DAPP1: variants seen among roughly 807,000 people sequenced by gnomAD.
The protein encoded by DAPP1 is dual adaptor of phosphotyrosine and 3-phosphoinositides 1, also known as dual adapter for phosphotyrosine and 3-phosphotyrosine and 3-phosphoinositide.
In DAPP1, 20 loss-of-function variants were observed where a neutral mutation model predicts 41.5. The observed-to-expected ratio is 0.48, with a 90% CI of 0.34 to 0.70. The LOEUF is 0.70. Ranked by LOEUF, DAPP1 falls within the 30% of genes least tolerant of loss-of-function variation. The probability of loss-of-function intolerance (pLI) is 0.01; values close to 1 mark genes in which losing one functional copy is unlikely to be tolerated. For synonymous variants in DAPP1, 113 were observed against 116.2 expected, an observed-to-expected ratio of 0.97 and a Z score of 0.18; for missense variants, 233 against 333.4, an observed-to-expected ratio of 0.70 and a Z score of 2.35.
intron 2 of DAPP1, among the ~76,000 whole-genome samples, chr4:99,838,169 T>C (rs1276929895): frequency 6.6e-6 from 1 of 152,180 alleles, no homozygotes; most frequent in Non-Finnish European, 1.5e-5. Flanking sequence ...TTCACCTATG[T>C]ATGTCTCATC....
At chr4:99,837,778 TAATGA>T (rs1382816061) in intron 2 of DAPP1, among the ~76,000 whole-genome samples, 1 of 152,164 alleles carries the variant, frequency 6.6e-6, no homozygotes, top group Non-Finnish European at 1.5e-5. Flanking sequence ...CTGTAATGTA[TAATGA>T]AATAATTATA....
Position 99,840,282 on chromosome 4 carries a change from C to A in DAPP1, c.225-7C>A. The A allele has an allele frequency of 6.7e-7, 1 of 1,501,136 alleles. No homozygotes were observed. Among genetic ancestry groups the A allele is most frequent in the South Asian group, 1.3e-5 (1 of 77,214 alleles). 93.0% of individuals were successfully genotyped at this position (1,501,136 alleles called of 1,614,324 possible). The stretch of plus-strand genomic sequence containing the variant: ...AATAATATTAAATACTTCTTTTTCC[C>A]TTTTAGGGCCAAAGATTCTGTTAAA... On this transcript the variant is annotated splice_polypyrimidine_tract_variant and splice_region_variant and intron_variant, in intron 2 of 8. Transcript: ENST00000512369.
At chr4:99,837,924 T>C (rs1723356103) in intron 2 of DAPP1, among the ~76,000 whole-genome samples, 1 of 152,134 alleles carries the variant, frequency 6.6e-6, no homozygotes, top group African/African-American at 2.4e-5. Flanking sequence ...GCACACAGCC[T>C]AGATCCCTTG....
At chr4:99,862,969 T>C (rs755316947) in intron 5 of DAPP1, 41 bp from the exon 6 acceptor site, 4 of 1,449,746 alleles carry the variant, frequency 2.8e-6, no homozygotes, top group African/African-American at 2.9e-5. Flanking sequence ...ATTCAAAACT[T>C]TGTGTGTCTG....
At chr4:99,837,123 G>A (rs1001432188) in intron 2 of DAPP1, among the ~76,000 whole-genome samples, 2 of 152,180 alleles carry the variant, frequency 1.3e-5, no homozygotes, top group African/African-American at 2.4e-5. Flanking sequence ...TTTTTCTTCT[G>A]TGAGCAGCCA....
At chr4:99,827,316 C>T (rs1332950033) in intron 1 of DAPP1, among the ~76,000 whole-genome samples, 3 of 151,912 alleles carry the variant, frequency 2.0e-5, no homozygotes, top group Non-Finnish European at 2.9e-5. Context: ...GGGCGGATCA[C>T]GAGGTCAGGA....
intron 3 of DAPP1, among the ~76,000 whole-genome samples, chr4:99,841,978 G>A (rs116593427): frequency 0.011 from 1,668 of 152,152 alleles, 39 homozygotes; most frequent in African/African-American, 0.037. Flanking sequence ...TCCTTCCTGG[G>A]CCTTCTCCAA....
intron 1 of DAPP1, among the ~76,000 whole-genome samples, chr4:99,833,570 T>G (rs1010204430): frequency 2.0e-5 from 3 of 152,204 alleles, no homozygotes; most frequent in Admixed American, 6.5e-5. Flanking sequence ...GATCCCTTAA[T>G]GCCAGAATAG....
intron 1 of DAPP1, among the ~76,000 whole-genome samples, chr4:99,831,117 T>G (rs554644035): frequency 6.6e-6 from 1 of 152,366 alleles, no homozygotes; most frequent in South Asian, 2.1e-4. Flanking sequence ...TGTTTTTATA[T>G]ATCTTAATAT....
chr4:99,861,752 A>G, intron 5 of DAPP1, 127 bp downstream of exon 5: 1 of 1,100,058 alleles, frequency 9.1e-7, no homozygotes, highest in Admixed American at 2.3e-5. Flanking sequence ...CATTTGTAAT[A>G]TTCACCTGAC....
At chr4:99,852,163 C>G (rs1056949124) in intron 3 of DAPP1, among the ~76,000 whole-genome samples, 8 of 152,136 alleles carry the variant, frequency 5.3e-5, no homozygotes, top group African/African-American at 1.9e-4. Flanking sequence ...AGCATTTAAA[C>G]TCCTTTGTGT....
chr4:99,820,206 G>A (rs755605802), intron 1 of DAPP1, among the ~76,000 whole-genome samples: 13 of 152,142 alleles, frequency 8.5e-5, no homozygotes, highest in Non-Finnish European at 1.5e-4. Context: ...GACCATGAAC[G>A]AGGAGATGGG....
chr4:99,856,794 G>A (rs1724058582), intron 4 of DAPP1, among the ~76,000 whole-genome samples: 2 of 152,160 alleles, frequency 1.3e-5, no homozygotes, highest in African/African-American at 2.4e-5. Context: ...CAGGATATCA[G>A]TATTTATGCT....
At chr4:99,853,475 A>G (rs1032703233) in intron 4 of DAPP1, 127 bp downstream of exon 4, 14 of 1,317,542 alleles carry the variant, frequency 1.1e-5, no homozygotes, top group Non-Finnish European at 1.1e-5. Flanking sequence ...TTGGAAAGGA[A>G]TGTGAGATTT....
downstream of DAPP1, among the ~76,000 whole-genome samples, chr4:99,872,141 A>G (rs1440068556): frequency 4.6e-5 from 7 of 152,374 alleles, no homozygotes; most frequent in South Asian, 2.1e-4. Context: ...GAGAATGACC[A>G]TATTTTCCAC....
At chr4:99,861,049 G>A (rs1373749984) in intron 4 of DAPP1, among the ~76,000 whole-genome samples, 1 of 152,130 alleles carries the variant, frequency 6.6e-6, no homozygotes, top group Non-Finnish European at 1.5e-5. Flanking sequence ...TTTGGAACAT[G>A]GATCTCAAGA....
At position 99,861,544 on chromosome 4, in the gene DAPP1, G is replaced by C. The variant is rs772137535; in HGVS notation, c.490-34G>C. The C allele has an allele frequency of 6.4e-6, 10 of 1,557,160 alleles. No individual in the cohort carries two copies. The East Asian group carries it at 9.6e-5, about 15-fold the overall frequency. ...GAAGGACAAACGTCCTGTTGTGACA[G>C]TTCTGGTCTTCACTCAGTGCTTTTC... On this transcript the variant is annotated intron_variant, in intron 4 of 8. Transcript: ENST00000512369.
In DAPP1 at chr4:99,869,451, T is replaced by C. The variant is rs529567553; in HGVS notation, c.*1266T>C. Reference sequence around the variant, plus strand: ...AAAAGATTATGCTGCAAAGCTATGATATAAACTGCTCTTGCAGTCCAAAGG... The same window carrying C: ...AAAAGATTATGCTGCAAAGCTATGACATAAACTGCTCTTGCAGTCCAAAGG... On this transcript the variant is annotated 3_prime_UTR_variant, in exon 9 of 9. Coordinates refer to ENST00000512369, the MANE Select transcript of DAPP1 (RefSeq NM_014395.3). The C allele has an allele frequency of 6.6e-6, 1 of 152,358 alleles. No homozygotes were observed. Among genetic ancestry groups the C allele is most frequent in the Admixed American group, 6.5e-5 (1 of 15,298 alleles). The allele number at this position is 152,358 out of a possible 1,614,324, so 9.4% of individuals were successfully genotyped here.
intron 5 of DAPP1, 95 bp downstream of exon 5, chr4:99,861,720 T>A: frequency 7.3e-7 from 1 of 1,367,842 alleles, no homozygotes; most frequent in Non-Finnish European, 1.0e-6. Flanking sequence ...CTTGGAAGCA[T>A]AATTGCCTGC....
Sources: gnomAD v4.1 joint callset for allele counts (sites outside exome capture counted in the v4.1 genomes callset) on GRCh38, gnomAD v4.1.1 for gene constraint, MANE v1.5 for transcripts, NCBI Gene and HGNC (gene_info 2026-07-23, HGNC 2026-07-21) for gene names.